Variants in ENTPD1 observed in about 807,000 individuals in gnomAD.
The protein encoded by ENTPD1 is ectonucleoside triphosphate diphosphohydrolase 1, also known as ATP diphosphohydrolase.
Under a neutral mutation model 57.0 loss-of-function variants are expected in ENTPD1, and 33 were observed. That is an observed-to-expected ratio of 0.58 (90% confidence interval 0.44 to 0.77). ENTPD1 has a LOEUF of 0.77. Ranked by LOEUF, ENTPD1 falls within the 30% of genes least tolerant of loss-of-function variation. ENTPD1 has a pLI of 0.00. For synonymous variants in ENTPD1, 202 were observed against 218.8 expected (o/e 0.92, Z 0.68); for missense variants, 501 against 603.4 (o/e 0.83, Z 1.78).
intron 1 of ENTPD1, among the ~76,000 whole-genome samples, chr10:95,821,896 G>GTT (rs1179903284): frequency 1.4e-3 from 207 of 152,198 alleles, no homozygotes; most frequent in Non-Finnish European, 2.3e-3. Context: ...TGAGAGAGGA[G>GTT]GAGGTTGAGT....
intron 1 of ENTPD1, among the ~76,000 whole-genome samples, chr10:95,796,337 G>C (rs1448125440): frequency 6.6e-6 from 1 of 152,178 alleles, no homozygotes; most frequent in African/African-American, 2.4e-5. Context: ...TCCATCATTA[G>C]AGAAGGGGAA....
chr10:95,725,505 G>A (rs1448546666), intron 1 of ENTPD1, among the ~76,000 whole-genome samples: 1 of 152,036 alleles, frequency 6.6e-6, no homozygotes, highest in Non-Finnish European at 1.5e-5. Flanking sequence ...CAATTTGTCT[G>A]GGATTAAACT....
chr10:95,822,249 C>T (rs1227485425), intron 1 of ENTPD1, among the ~76,000 whole-genome samples: 2 of 152,042 alleles, frequency 1.3e-5, no homozygotes, highest in African/African-American at 2.4e-5. Flanking sequence ...CCACCTGCCT[C>T]AGCCTCCCAA....
At chr10:95,712,558 A>G (rs2097966835) in intron 1 of ENTPD1, among the ~76,000 whole-genome samples, 1 of 152,172 alleles carries the variant, frequency 6.6e-6, no homozygotes, top group African/African-American at 2.4e-5. Context: ...AACTATGTCA[A>G]GCTCTCAGGG....
At chr10:95,727,434 A>T (rs1488323703) in intron 1 of ENTPD1, among the ~76,000 whole-genome samples, 1 of 152,166 alleles carries the variant, frequency 6.6e-6, no homozygotes, top group Non-Finnish European at 1.5e-5. Flanking sequence ...TTGATAACTT[A>T]TATGTGATTC....
chr10:95,738,190 C>T (rs2097996612), intron 1 of ENTPD1, among the ~76,000 whole-genome samples: 1 of 152,110 alleles, frequency 6.6e-6, no homozygotes, highest in Admixed American at 6.5e-5. Context: ...ATACTGAGCT[C>T]ACATGGACTG....
chr10:95,770,507 G>C (rs2098112418), intron 1 of ENTPD1, among the ~76,000 whole-genome samples: 1 of 152,196 alleles, frequency 6.6e-6, no homozygotes, highest in South Asian at 2.1e-4. Flanking sequence ...TATTTACAGA[G>C]AGGTGTGTAA....
chr10:95,773,390 C>T (rs538738548), intron 1 of ENTPD1, among the ~76,000 whole-genome samples: 1 of 152,146 alleles, frequency 6.6e-6, no homozygotes, highest in African/African-American at 2.4e-5. Flanking sequence ...GGTGCATTGT[C>T]AATGGACAGT....
At chr10:95,823,108 T>C (rs1273948732) in intron 1 of ENTPD1, 129 bp from the exon 2 acceptor site, 8 of 1,074,636 alleles carry the variant, frequency 7.4e-6, no homozygotes, top group Non-Finnish European at 8.3e-6. Flanking sequence ...ACCTCATTGA[T>C]AAAAAAGATT....
At chr10:95,711,772 G>A (rs2097965779), upstream of ENTPD1, 1 of 723,596 alleles carries the variant, frequency 1.4e-6, no homozygotes, top group Non-Finnish European at 2.3e-6. Flanking sequence ...TCATTCTGCA[G>A]TCTCCTGTGT....
Position 95,869,241 on chromosome 10 carries a change from C to CTTTTTTTTTT in ENTPD1, c.*2875_*2884dup, listed in dbSNP as rs11312564. The CTTTTTTTTTT allele has an allele frequency of 1.6e-6, 1 of 629,798 alleles. No individual in the cohort carries two copies. Among genetic ancestry groups the CTTTTTTTTTT allele is most frequent in the Non-Finnish European group, 1.8e-6 (1 of 542,294 alleles). The allele number at this position is 629,798 out of a possible 1,614,324, so 39.0% of individuals were successfully genotyped here. A position where few individuals can be genotyped will look rare whatever the true frequency, so the allele number is the denominator to read the frequency against. On this transcript the variant is annotated 3_prime_UTR_variant, in exon 10 of 10. Coordinates refer to ENST00000371205, the MANE Select transcript of ENTPD1 (RefSeq NM_001776.6). ...GAAAAAAGATCAGCAGAAGTCATTA[C>CTTTTTTTTTT]TTTTTTTTTTTTTTTTTTTTTTTTT... is the stretch of plus-strand genomic sequence containing the variant.
intron 1 of ENTPD1, among the ~76,000 whole-genome samples, chr10:95,808,637 A>G (rs1326374426): frequency 2.0e-5 from 3 of 152,102 alleles, no homozygotes; most frequent in African/African-American, 7.2e-5. Flanking sequence ...ACTTTCAAGG[A>G]AATGGTGTAC....
At chr10:95,720,203 C>T (rs1341432062) in intron 1 of ENTPD1, among the ~76,000 whole-genome samples, 2 of 152,056 alleles carry the variant, frequency 1.3e-5, no homozygotes, top group Non-Finnish European at 2.9e-5. Context: ...GAGGCAGAAT[C>T]CTTTAGTTTA....
chr10:95,766,417 T>C (rs574726132), intron 1 of ENTPD1, among the ~76,000 whole-genome samples: 32 of 152,322 alleles, frequency 2.1e-4, no homozygotes, highest in African/African-American at 7.5e-4. Context: ...CAATACTATA[T>C]TCCTCATAAG....
At chr10:95,777,685 A>G (rs1359727136) in intron 1 of ENTPD1, among the ~76,000 whole-genome samples, 1 of 152,238 alleles carries the variant, frequency 6.6e-6, no homozygotes, top group Non-Finnish European at 1.5e-5. Context: ...TGCTCTCTTC[A>G]GAGCTGTTAG....
Position 95,873,625 on chromosome 10 carries a change from TCTGTCACTCTA to T in ENTPD1, c.*7245_*7255del. The T allele has an allele frequency of 3.0e-6, 3 of 985,476 alleles. No individual in the cohort carries two copies. Among genetic ancestry groups the T allele is most frequent in the Non-Finnish European group, 3.6e-6 (3 of 829,946 alleles). 61.0% of individuals were successfully genotyped at this position (985,476 alleles called of 1,614,324 possible). On this transcript the variant is annotated 3_prime_UTR_variant, in exon 10 of 10. Coordinates refer to ENST00000371205, the MANE Select transcript of ENTPD1 (RefSeq NM_001776.6). ...TTACTCCTGTCTATGGATGTTTCCT[TCTGTCACTCTA>T]CTAGGGATGAAACAGCTAATCATGT...
In ENTPD1 at chr10:95,872,875, C is replaced by A; in HGVS notation, c.*6492C>A. 3 of 985,408 alleles carry A rather than the reference C, an allele frequency of 3.0e-6. No individual in the cohort carries two copies. In the South Asian group the frequency reaches 1.4e-4, roughly 46 times the overall value. 61.0% of individuals were successfully genotyped at this position (985,408 alleles called of 1,614,324 possible). ...CCTGATGAAGCTTTTATTCCCCTAG[C>A]CACATGGAACTTTTCCTTTTTGGAA... On this transcript the variant is annotated 3_prime_UTR_variant, in exon 10 of 10. Coordinates refer to ENST00000371205, the MANE Select transcript of ENTPD1 (RefSeq NM_001776.6).
At chr10:95,830,345 T>C (rs980650231) in intron 2 of ENTPD1, among the ~76,000 whole-genome samples, 1 of 152,136 alleles carries the variant, frequency 6.6e-6, no homozygotes, top group Non-Finnish European at 1.5e-5. Flanking sequence ...AGTCTGAGCT[T>C]AGTATTTTTG....
chr10:95,864,082 C>T (rs1269691200), intron 8 of ENTPD1, among the ~76,000 whole-genome samples: 1 of 152,150 alleles, frequency 6.6e-6, no homozygotes, highest in Non-Finnish European at 1.5e-5. Flanking sequence ...AAGGAAACAA[C>T]CACTTTGCAT....
Sources: allele counts gnomAD v4.1 joint callset (sites outside exome capture counted in the v4.1 genomes callset), GRCh38; gene constraint gnomAD v4.1.1; transcripts MANE v1.5; gene names NCBI Gene and HGNC (gene_info 2026-07-23, HGNC 2026-07-21).